Variants in ASB2 observed in about 807,000 individuals in gnomAD.
The protein encoded by ASB2 is ankyrin repeat and SOCS box containing 2.
In ASB2, 58 loss-of-function variants were observed where a neutral mutation model predicts 62.4. The ratio of observed to expected loss-of-function variants is 0.93; its 90% CI spans 0.75 to 1.16. The LOEUF (loss-of-function observed/expected upper bound fraction) is 1.16. ASB2 is among the 50% of genes most tolerant of loss of function. The pLI is 0.00. For missense variants in ASB2, 928 were observed against 887.9 expected (o/e 1.05, Z -0.57); for synonymous variants, 386 against 385.3 (o/e 1.00, Z -0.02).
intron 1 of ASB2, chr14:93,974,009 G>C (rs1889837074): frequency 6.6e-6 from 1 of 152,322 alleles, no homozygotes; most frequent in African/African-American, 2.4e-5. Context: ...AGGCAGCAGA[G>C]CGGGAAGGCT....
intron 6 of ASB2, among the ~76,000 whole-genome samples, 190 bp downstream of exon 6, chr14:93,950,809 G>A (rs931302277): frequency 2.0e-5 from 3 of 152,156 alleles, no homozygotes; most frequent in African/African-American, 4.8e-5. Context: ...AGTGGATCCC[G>A]ACGCTCTTCC....
rs1352579177 is a variant in ASB2 at position 93,939,223 on chromosome 14, T to C, written c.1502A>G (p.Asp501Gly). 6.2e-7 allele frequency: 1 copy of C among 1,607,290 alleles called. No homozygotes were observed. Among genetic ancestry groups the C allele is most frequent in the Non-Finnish European group, 8.5e-7 (1 of 1,175,630 alleles). Residue 501 changes from aspartate to glycine, a missense_variant, in exon 8 of 10, where the codon GAC (aspartate) becomes GGC (glycine). Coordinates refer to ENST00000555019, the MANE Select transcript of ASB2 (RefSeq NM_001202429.2). ...GAGGCATGAGAAGCAGGGCTCGCCG[T>C]CGCAGCCCAGGTCCATGAGGAACTT... ...LLKFLMDLGC[D>G]GEPCFSCLYG... is the part of the protein sequence containing the mutation.
In ASB2 at chr14:93,975,634, C is replaced by A. The variant is rs150187931; in HGVS notation, c.-74+800G>T. 2.5e-3 allele frequency among the ~76,000 whole-genome samples: 387 copies of A among 152,284 alleles called. 3 individuals carry two copies. The highest frequency in any genetic ancestry group is 4.5e-3 in the Non-Finnish European group (307 of 68,002). On this transcript the variant is annotated intron_variant, in intron 1 of 9. Coordinates refer to ENST00000555019, the MANE Select transcript of ASB2 (RefSeq NM_001202429.2). Reference sequence around the variant, plus strand: ...TGGAAGGATGTGCCTCTCCCTCTGGCCTCCCCTTCTAGCCTCACCCCCATT... The same window carrying A: ...TGGAAGGATGTGCCTCTCCCTCTGGACTCCCCTTCTAGCCTCACCCCCATT...
intron 1 of ASB2, among the ~76,000 whole-genome samples, chr14:93,975,790 A>C (rs1008047078): frequency 1.3e-5 from 2 of 152,146 alleles, no homozygotes; most frequent in African/African-American, 4.8e-5. Flanking sequence ...GAGGCATCCC[A>C]CCCATCCTTT....
chr14:93,934,336 C>T lies in ASB2; in HGVS notation c.*320G>A, dbSNP rs1027678939. ...GGAGGGGCACAGGGAAGGCTCTGAG[C>T]ACCACCTTCCCCAGAACACCTCAAG... On this transcript the variant is annotated 3_prime_UTR_variant, in exon 10 of 10. Transcript: ENST00000555019. 14 of 447,856 alleles carry T rather than the reference C, an allele frequency of 3.1e-5. No individual in the cohort carries two copies. The Admixed American group carries it at 3.7e-4, about 12-fold the overall frequency. 27.7% of individuals were successfully genotyped at this position (447,856 alleles called of 1,614,324 possible).
chr14:93,973,196 G>C (rs1255029967), intron 1 of ASB2, among the ~76,000 whole-genome samples: 1 of 152,112 alleles, frequency 6.6e-6, no homozygotes, highest in Non-Finnish European at 1.5e-5. Flanking sequence ...CCTGTCCAAA[G>C]CTGGCTCTGC....
Position 93,953,369 on chromosome 14 carries a change from T to C in ASB2, c.617A>G (p.Glu206Gly). 1 of 1,589,630 alleles carries C rather than the reference T, an allele frequency of 6.3e-7. No homozygotes were observed. The highest frequency in any genetic ancestry group is 8.6e-7 in the Non-Finnish European group (1 of 1,160,496). The change falls in exon 5 of 10, where the codon GAG becomes GGG. Residue 206 changes from glutamate to glycine, a missense_variant. By Grantham distance (98) the Glu-to-Gly change is moderately conservative. Transcript: ENST00000555019. ...AEPDISNKSRETPLYKACERK... is the reference protein window; with the variant it reads ...AEPDISNKSRGTPLYKACERK... ...GACCTCACCTTTGTAGAGCGGTGTC[T>C]CTCGGGATTTGTTGGAGATGTCCGG...
At chr14:93,955,710 G>A (rs980278043) in intron 3 of ASB2, 2 of 154,830 alleles carry the variant, frequency 1.3e-5, no homozygotes, top group African/African-American at 4.8e-5. Context: ...GGACCCTGGA[G>A]CCCTCAGCCC....
At chr14:93,958,309 G>T (rs941484) in intron 2 of ASB2, among the ~76,000 whole-genome samples, 1 of 152,054 alleles carries the variant, frequency 6.6e-6, no homozygotes, top group African/African-American at 2.4e-5. Context: ...GATGAGGACA[G>T]GGAGGCTGTG....
At chr14:93,968,535 A>G (rs1012425390) in intron 1 of ASB2, among the ~76,000 whole-genome samples, 4 of 152,210 alleles carry the variant, frequency 2.6e-5, no homozygotes, top group Non-Finnish European at 5.9e-5. Flanking sequence ...TGACCCAAGC[A>G]ACTGACACAC....
intron 1 of ASB2, among the ~76,000 whole-genome samples, chr14:93,969,385 C>G (rs1172004094): frequency 3.3e-5 from 5 of 152,150 alleles, no homozygotes; most frequent in Non-Finnish European, 7.4e-5. Context: ...GGTTGTTAGC[C>G]GGGAGAGCCT....
intron 9 of ASB2, among the ~76,000 whole-genome samples, chr14:93,935,678 GAGGGGCA>G (rs2141265031): frequency 6.6e-6 from 1 of 152,334 alleles, no homozygotes; most frequent in South Asian, 2.1e-4. Context: ...CCTGGGGCTG[GAGGGGCA>G]GGTGGGATGT....
intron 1 of ASB2, among the ~76,000 whole-genome samples, chr14:93,967,927 A>G (rs965323638): frequency 6.6e-6 from 1 of 152,138 alleles, no homozygotes; most frequent in Non-Finnish European, 1.5e-5. Context: ...CAGTTCCTTT[A>G]TTAATAAAAA....
At chr14:93,957,128 A>ACCCCCCCCCCCCGGC in intron 2 of ASB2, 2 of 1,340,168 alleles carry the variant, frequency 1.5e-6, no homozygotes, top group Non-Finnish European at 1.9e-6. Flanking sequence ...GGTTAACCTC[A>ACCCCCCCCCCCCGGC]CCCCACCCCC....
At chr14:93,949,500 G>C (rs1862226989) in intron 6 of ASB2, among the ~76,000 whole-genome samples, 1 of 152,244 alleles carries the variant, frequency 6.6e-6, no homozygotes. Context: ...CAGGGAAGCT[G>C]CTCAGCAAAT....
intron 9 of ASB2, 104 bp from the exon 10 acceptor site, chr14:93,934,896 G>A: frequency 1.1e-6 from 1 of 919,278 alleles, no homozygotes; most frequent in Non-Finnish European, 1.8e-6. Flanking sequence ...TGATGTGGCT[G>A]GGTAAGAGAG....
Position 93,939,647 on chromosome 14 carries a change from T to A in ASB2, c.1078A>T (p.Thr360Ser). The A allele has an allele frequency of 6.6e-7, 1 of 1,511,424 alleles. No individual in the cohort carries two copies. Among genetic ancestry groups the A allele is most frequent in the Non-Finnish European group, 8.8e-7 (1 of 1,137,676 alleles). 93.6% of individuals were successfully genotyped at this position (1,511,424 alleles called of 1,614,324 possible). A position where few individuals can be genotyped will look rare whatever the true frequency, so the allele number is the denominator to read the frequency against. Residue 360 changes from threonine (T) to serine (S), a missense_variant, in exon 8 of 10, where the codon ACC becomes TCC. Thr to Ser is a moderately conservative substitution (Grantham distance 58). Transcript: ENST00000555019. ...YRIVQMLLPV[T>S]SRTRIRRSGV... ...CTACGGCGTATGCGCGTGCGGCTGGTCACCGGCAGCAGCATCTGCACGATC... is the reference window on the plus strand; with the variant it reads ...CTACGGCGTATGCGCGTGCGGCTGGACACCGGCAGCAGCATCTGCACGATC...
At chr14:93,949,518 G>T (rs1203983893) in intron 6 of ASB2, among the ~76,000 whole-genome samples, 2 of 152,248 alleles carry the variant, frequency 1.3e-5, no homozygotes, top group Non-Finnish European at 2.9e-5. Flanking sequence ...AATGCCAGTT[G>T]CTCAGGATGG....
intron 1 of ASB2, among the ~76,000 whole-genome samples, chr14:93,965,023 C>T (rs113680142): frequency 4.6e-5 from 7 of 152,274 alleles, no homozygotes; most frequent in Non-Finnish European, 1.0e-4. Context: ...ACTCATCATT[C>T]ATCCATCCAT....
Sources: allele counts gnomAD v4.1 joint callset (sites outside exome capture counted in the v4.1 genomes callset), GRCh38; gene constraint gnomAD v4.1.1; transcripts MANE v1.5; gene names NCBI Gene and HGNC (gene_info 2026-07-23, HGNC 2026-07-21).